Variants in TNNI3K observed in about 807,000 individuals in gnomAD.
The protein encoded by TNNI3K is TNNI3 interacting kinase.
A neutral mutation model predicts 114.5 loss-of-function variants in TNNI3K; 140 were observed. The ratio of observed to expected loss-of-function variants is 1.22; its 90% CI spans 1.07 to 1.41. The LOEUF is 1.41. Among genes scored for constraint, TNNI3K ranks in the 40% most tolerant of loss-of-function variants. The pLI, the probability that TNNI3K is intolerant of heterozygous loss-of-function variation, is 0.00. For synonymous variants in TNNI3K, 347 were observed against 347.5 expected (o/e 1.00, Z 0.02); for missense variants, 1,125 against 1,007.6 (o/e 1.12, Z -1.58).
At chr1:74,374,668 G>A (rs183667556) in intron 17 of TNNI3K, 13 of 151,994 alleles carry the variant, frequency 8.6e-5, no homozygotes, top group Admixed American at 5.9e-4. Context: ...TGTTCTGCTG[G>A]TGTGGAACAG....
chr1:74,483,308 C>T (rs908237846), intron 21 of TNNI3K: 4 of 717,362 alleles, frequency 5.6e-6, no homozygotes, highest in East Asian at 2.7e-5. Context: ...CTTTGGTGCA[C>T]ACCACACATG....
intron 4 of TNNI3K, among the ~76,000 whole-genome samples, chr1:74,265,513 C>T (rs1213904346): frequency 6.6e-6 from 1 of 151,936 alleles, no homozygotes; most frequent in Non-Finnish European, 1.5e-5. Flanking sequence ...AGTGAACTAC[C>T]ATCCTGCCAC....
At chr1:74,539,277 G>A (rs966210208) in intron 23 of TNNI3K, among the ~76,000 whole-genome samples, 12 of 152,178 alleles carry the variant, frequency 7.9e-5, no homozygotes. Context: ...ACTGAACGAT[G>A]TAATACTGGT....
intron 24 of TNNI3K, among the ~76,000 whole-genome samples, chr1:74,540,915 CA>C (rs1646719261): frequency 6.6e-6 from 1 of 152,114 alleles, no homozygotes; most frequent in Non-Finnish European, 1.5e-5. Context: ...AAATAATTAA[CA>C]AAGTTTTTTT....
intron 21 of TNNI3K, among the ~76,000 whole-genome samples, chr1:74,478,330 C>A (rs964137437): frequency 2.0e-5 from 3 of 152,078 alleles, no homozygotes; most frequent in Non-Finnish European, 4.4e-5. Context: ...TATAATTTAT[C>A]AGAATTTATT....
chr1:74,369,757 T>A (rs968877707), intron 16 of TNNI3K, 172 bp downstream of exon 16: 29 of 689,218 alleles, frequency 4.2e-5, no homozygotes, highest in Non-Finnish European at 5.4e-5. Context: ...TGTGTTTCAA[T>A]GAATAGAAAT....
chr1:74,349,508 C>T (rs1029577118), intron 9 of TNNI3K, among the ~76,000 whole-genome samples: 3 of 152,158 alleles, frequency 2.0e-5, no homozygotes, highest in African/African-American at 7.2e-5. Flanking sequence ...GGAGGATTCC[C>T]TCTTTTTCTA....
chr1:74,416,204 C>T (rs1333221866), intron 17 of TNNI3K: 14 of 752,358 alleles, frequency 1.9e-5, no homozygotes, highest in Non-Finnish European at 1.9e-5. Flanking sequence ...CATAGCATAG[C>T]ACCAAAATTC....
chr1:74,520,801 A>G (rs955608504), intron 23 of TNNI3K, among the ~76,000 whole-genome samples: 2 of 152,128 alleles, frequency 1.3e-5, no homozygotes, highest in African/African-American at 4.8e-5. Context: ...TGTGGGTTGC[A>G]GCTGGGGTGG....
chr1:74,307,030 T>G (rs1658685826), intron 5 of TNNI3K, among the ~76,000 whole-genome samples: 1 of 152,202 alleles, frequency 6.6e-6, no homozygotes, highest in South Asian at 2.1e-4. Context: ...TGAATTAAGT[T>G]TTGTATGCAG....
chr1:74,317,585 A>G (rs891301841), intron 5 of TNNI3K, among the ~76,000 whole-genome samples: 6 of 152,192 alleles, frequency 3.9e-5, no homozygotes, highest in African/African-American at 1.2e-4. Flanking sequence ...GTTAGGGAAT[A>G]TGGTGGAATG....
intron 5 of TNNI3K, among the ~76,000 whole-genome samples, chr1:74,326,060 T>G (rs530881432): frequency 2.0e-5 from 3 of 152,272 alleles, no homozygotes; most frequent in African/African-American, 4.8e-5. Flanking sequence ...AAGCAAACTG[T>G]AAATCTTAAG....
chr1:74,341,694 A>T (rs190316739), intron 7 of TNNI3K: 2 of 152,276 alleles, frequency 1.3e-5, no homozygotes, highest in African/African-American at 2.4e-5. Flanking sequence ...GCCATGTTTG[A>T]AATTCTCACA....
intron 23 of TNNI3K, among the ~76,000 whole-genome samples, chr1:74,511,403 C>T (rs1485441435): frequency 6.6e-6 from 1 of 151,970 alleles, no homozygotes; most frequent in Non-Finnish European, 1.5e-5. Flanking sequence ...ATGTTGGCCT[C>T]GAACTCCTGG....
intron 2 of TNNI3K, among the ~76,000 whole-genome samples, chr1:74,242,908 G>A (rs993065946): frequency 2.6e-5 from 4 of 151,322 alleles, no homozygotes; most frequent in African/African-American, 4.9e-5. Flanking sequence ...TCTGTAGCTC[G>A]CTATCTTTCT....
At chr1:74,307,110 T>C (rs1295358956) in intron 5 of TNNI3K, among the ~76,000 whole-genome samples, 1 of 152,158 alleles carries the variant, frequency 6.6e-6, no homozygotes, top group Admixed American at 6.6e-5. Flanking sequence ...ATTTATTGAT[T>C]AGGATGTCCT....
chr1:74,484,557 G>A (rs1312457799), intron 21 of TNNI3K, among the ~76,000 whole-genome samples: 7 of 152,076 alleles, frequency 4.6e-5, no homozygotes, highest in Non-Finnish European at 1.0e-4. Flanking sequence ...TCTAAATATG[G>A]CAAACAAGGA....
intron 17 of TNNI3K, among the ~76,000 whole-genome samples, chr1:74,434,195 T>C (rs918169420): frequency 6.6e-6 from 1 of 152,092 alleles, no homozygotes; most frequent in African/African-American, 2.4e-5. Context: ...AATTGTTCTC[T>C]AATTTCAAAT....
At chr1:74,455,228 T>G (rs1408586843) in intron 20 of TNNI3K, among the ~76,000 whole-genome samples, 1 of 152,148 alleles carries the variant, frequency 6.6e-6, no homozygotes, top group Non-Finnish European at 1.5e-5. Flanking sequence ...CAGGGAAGGA[T>G]TCTTAGAACA....
Sources: gnomAD v4.1 joint callset for allele counts (sites outside exome capture counted in the v4.1 genomes callset) on GRCh38, gnomAD v4.1.1 for gene constraint, MANE v1.5 for transcripts, NCBI Gene and HGNC (gene_info 2026-07-23, HGNC 2026-07-21) for gene names.